Variants in ADARB2 observed in about 807,000 individuals in gnomAD.
The protein encoded by ADARB2 is adenosine deaminase RNA specific B2 (inactive).
ADARB2 carries 25 observed loss-of-function variants against 62.2 expected under a neutral mutation model. The ratio of observed to expected loss-of-function variants is 0.40; its 90% CI spans 0.29 to 0.56. ADARB2 has a LOEUF of 0.56. ADARB2 is among the 20% of genes least tolerant of loss of function. The probability of loss-of-function intolerance (pLI) is 0.43; values close to 1 mark genes in which losing one functional copy is unlikely to be tolerated. For synonymous variants in ADARB2, 572 were observed against 500.8 expected, an observed-to-expected ratio of 1.14 and a Z score of -1.90; for missense variants, 1,071 against 1,077.4, an observed-to-expected ratio of 0.99 and a Z score of 0.08.
intron 1 of ADARB2, chr10:1,675,274 G>A (rs1834451278): frequency 1.0e-6 from 1 of 982,128 alleles, no homozygotes. Flanking sequence ...CTGGAGGTTT[G>A]GGTTCAGGGA....
chr10:1,220,413 T>A (rs1350782860), intron 6 of ADARB2, among the ~76,000 whole-genome samples: 1 of 151,754 alleles, frequency 6.6e-6, no homozygotes. Context: ...GTGGTGATGA[T>A]GGTCGTGATG....
At chr10:1,210,561 A>ATG (rs1364540675) in intron 7 of ADARB2, among the ~76,000 whole-genome samples, 1 of 152,208 alleles carries the variant, frequency 6.6e-6, no homozygotes, top group Non-Finnish European at 1.5e-5. Context: ...CTTCGCCTCC[A>ATG]TAAAGTCGTC....
intron 3 of ADARB2, among the ~76,000 whole-genome samples, chr10:1,338,700 T>C (rs1831995906): frequency 6.6e-6 from 1 of 152,202 alleles, no homozygotes; most frequent in Non-Finnish European, 1.5e-5. Context: ...GCCCCAGCCT[T>C]AGGTCACCCC....
chr10:1,674,872 G>A (rs1368177685), intron 1 of ADARB2, among the ~76,000 whole-genome samples: 3 of 152,246 alleles, frequency 2.0e-5, no homozygotes, highest in Non-Finnish European at 4.4e-5. Flanking sequence ...TTGTTCAGGA[G>A]GTTTGGGTTC....
chr10:1,345,216 G>A (rs1656526952), intron 3 of ADARB2, among the ~76,000 whole-genome samples: 1 of 152,186 alleles, frequency 6.6e-6, no homozygotes, highest in Admixed American at 6.5e-5. Context: ...GTCAGACCCA[G>A]AATGGTGTCA....
chr10:1,470,011 G>C (rs1046316805), intron 1 of ADARB2, among the ~76,000 whole-genome samples: 1 of 152,158 alleles, frequency 6.6e-6, no homozygotes, highest in Middle Eastern at 3.2e-3. Context: ...AGCCCGGGTA[G>C]GCTGGACTTT....
intron 1 of ADARB2, among the ~76,000 whole-genome samples, chr10:1,390,668 A>G (rs1412472146): frequency 2.0e-5 from 3 of 152,296 alleles, no homozygotes; most frequent in Non-Finnish European, 4.4e-5. Context: ...CCCCTATTTT[A>G]TAGATGTGAA....
intron 1 of ADARB2, among the ~76,000 whole-genome samples, chr10:1,607,961 C>T (rs1833514929): frequency 2.0e-5 from 3 of 152,212 alleles, no homozygotes; most frequent in Non-Finnish European, 1.5e-5. Context: ...ACCCATCACA[C>T]CCCACACAAC....
chr10:1,418,744 A>C (rs529853598), intron 1 of ADARB2, among the ~76,000 whole-genome samples: 4 of 152,192 alleles, frequency 2.6e-5, no homozygotes, highest in Non-Finnish European at 5.9e-5. Flanking sequence ...ACACTGATAC[A>C]ATAGTGATTT....
chr10:1,402,460 T>C (rs1319196928), intron 1 of ADARB2, among the ~76,000 whole-genome samples: 1 of 152,102 alleles, frequency 6.6e-6, no homozygotes, highest in East Asian at 1.9e-4. Context: ...GTGGTTAGCA[T>C]AAAGGAAGCC....
At chr10:1,575,616 C>T (rs191377023) in intron 1 of ADARB2, among the ~76,000 whole-genome samples, 1 of 152,324 alleles carries the variant, frequency 6.6e-6, no homozygotes, top group Non-Finnish European at 1.5e-5. Context: ...CACAGCCACC[C>T]TCTCTCTCCC....
chr10:1,595,366 C>G (rs996936800), intron 1 of ADARB2, among the ~76,000 whole-genome samples: 1 of 152,146 alleles, frequency 6.6e-6, no homozygotes, highest in African/African-American at 2.4e-5. Flanking sequence ...ACTGAGCACC[C>G]GGCAGTGGCA....
In ADARB2 at chr10:1,179,191, C is replaced by T. The variant is rs561250478; in HGVS notation, c.*4002G>A. 1.3e-5 allele frequency: 2 copies of T among 151,286 alleles called. No individual in the cohort carries two copies. Among genetic ancestry groups the T allele is most frequent in the African/African-American group, 2.5e-5 (1 of 40,736 alleles). The allele number at this position is 151,286 out of a possible 1,614,324, so 9.4% of individuals were successfully genotyped here. ...TATTTACTGTTTATGGCTCTCCAGACGTGATAAACATTATATCCAAAAAAA... is the reference window on the plus strand; with the variant it reads ...TATTTACTGTTTATGGCTCTCCAGATGTGATAAACATTATATCCAAAAAAA... On this transcript the variant is annotated 3_prime_UTR_variant, in exon 10 of 10. Transcript: ENST00000381312.
chr10:1,267,645 A>G (rs1430446863), intron 4 of ADARB2, among the ~76,000 whole-genome samples: 1 of 152,162 alleles, frequency 6.6e-6, no homozygotes. Context: ...GACATTCCAG[A>G]AAAAAACACG....
At chr10:1,358,092 T>C (rs986082171) in intron 3 of ADARB2, among the ~76,000 whole-genome samples, 2 of 152,054 alleles carry the variant, frequency 1.3e-5, no homozygotes, top group Non-Finnish European at 2.9e-5. Context: ...GAGAAAAAAA[T>C]CACCCTGGAC....
intron 3 of ADARB2, among the ~76,000 whole-genome samples, chr10:1,314,642 T>A (rs531539633): frequency 6.2e-4 from 95 of 152,256 alleles, no homozygotes; most frequent in African/African-American, 1.7e-3. Context: ...AAATACGGCA[T>A]GCGAAGGTGC....
At chr10:1,652,922 T>C (rs1023850791) in intron 1 of ADARB2, among the ~76,000 whole-genome samples, 1 of 152,138 alleles carries the variant, frequency 6.6e-6, no homozygotes, top group African/African-American at 2.4e-5. Flanking sequence ...CATGCACGCT[T>C]TCTCTGCTCT....
chr10:1,360,894 T>A (rs1366802896), intron 3 of ADARB2: 4 of 152,594 alleles, frequency 2.6e-5, no homozygotes, highest in Non-Finnish European at 5.9e-5. Flanking sequence ...AGCTCAGGGC[T>A]GACAACATGA....
chr10:1,514,385 T>C (rs1400587260), intron 1 of ADARB2, among the ~76,000 whole-genome samples: 3 of 151,744 alleles, frequency 2.0e-5, no homozygotes, highest in Non-Finnish European at 4.4e-5. Flanking sequence ...CCACTGCTTC[T>C]CAATTATTTG....
Sources: allele counts gnomAD v4.1 joint callset (sites outside exome capture counted in the v4.1 genomes callset), GRCh38; gene constraint gnomAD v4.1.1; transcripts MANE v1.5; gene names NCBI Gene and HGNC (gene_info 2026-07-23, HGNC 2026-07-21).